Variants in SI observed in about 807,000 individuals in gnomAD.
SI encodes sucrase-isomaltase, also known as sucrase-isomaltase, intestinal.
In SI, 235 loss-of-function variants were observed where a neutral mutation model predicts 253.3. That is an observed-to-expected ratio of 0.93 (90% CI 0.83 to 1.03). The LOEUF is 1.03. SI is among the 50% of genes least tolerant of loss of function. The probability of loss-of-function intolerance (pLI) is 0.00; values close to 1 mark genes in which losing one functional copy is unlikely to be tolerated. For synonymous variants in SI, 819 were observed against 712.0 expected (o/e 1.15, Z -2.39); for missense variants, 2,442 against 2,211.1 (o/e 1.10, Z -2.09).
chr3:165,045,835 AAT>A (rs1233979261), intron 16 of SI, among the ~76,000 whole-genome samples: 2 of 142,758 alleles, frequency 1.4e-5, no homozygotes, highest in Non-Finnish European at 3.0e-5. Flanking sequence ...TGAATTTGAT[AAT>A]ATGTTTTTCA....
At chr3:165,034,738 G>A (rs772710991) in intron 22 of SI, among the ~76,000 whole-genome samples, 1 of 151,916 alleles carries the variant, frequency 6.6e-6, no homozygotes, top group Non-Finnish European at 1.5e-5. Context: ...ACATGTTAAA[G>A]CACAAATAAT....
chr3:165,078,889 T>A (rs1715173843), upstream of SI, among the ~76,000 whole-genome samples: 1 of 151,538 alleles, frequency 6.6e-6, no homozygotes, highest in Admixed American at 6.6e-5. Context: ...TTTCAGGATA[T>A]AACAATTAGA....
At chr3:165,014,979 G>A (rs1718956879) in intron 33 of SI, 144 bp downstream of exon 33, 3 of 642,986 alleles carry the variant, frequency 4.7e-6, no homozygotes, top group Non-Finnish European at 8.2e-6. Context: ...TTGAACCAAA[G>A]ACTATACATT....
intron 22 of SI, among the ~76,000 whole-genome samples, 166 bp downstream of exon 22, chr3:165,036,223 A>T (rs1712521218): frequency 6.6e-6 from 1 of 151,918 alleles, no homozygotes; most frequent in African/African-American, 2.4e-5. Flanking sequence ...AGCAAATAAC[A>T]ATGTTAAAAG....
At chr3:165,048,761 G>A (rs1239988055) in intron 15 of SI, among the ~76,000 whole-genome samples, 1 of 151,738 alleles carries the variant, frequency 6.6e-6, no homozygotes, top group Non-Finnish European at 1.5e-5. Flanking sequence ...GGGATTACAG[G>A]TGCCTGCCAC....
chr3:165,082,855 C>A (rs1715383056), upstream of SI, among the ~76,000 whole-genome samples: 1 of 151,958 alleles, frequency 6.6e-6, no homozygotes, highest in Admixed American at 6.6e-5. Flanking sequence ...AGAGCAGGGT[C>A]TCTTAGTAAC....
chr3:165,006,775 G>A, intron 37 of SI, 41 bp downstream of exon 37: 2 of 1,566,758 alleles, frequency 1.3e-6, no homozygotes, highest in Non-Finnish European at 1.8e-6. Flanking sequence ...AAGAACCAAA[G>A]AATAAAAGAG....
rs1039331271 is a variant in SI at position 165,019,956 on chromosome 3, A to G, written c.3255-186T>C. On this transcript the variant is annotated intron_variant, in intron 27 of 47. Transcript: ENST00000264382. ...TACATGTTTTCTTTTAGCTAAGTTA[A>G]GGAATATGTAAAATATGCTTCATAT... 2.0e-5 allele frequency among the ~76,000 whole-genome samples: 3 copies of G among 151,834 alleles called. No homozygotes were observed. The Admixed American group carries it at 2.0e-4, about 10-fold the overall frequency.
chr3:165,070,936 G>A (rs1714532264), intron 3 of SI, among the ~76,000 whole-genome samples: 1 of 151,992 alleles, frequency 6.6e-6, no homozygotes, highest in South Asian at 2.1e-4. Context: ...CTAGCTTCTA[G>A]TGGCTCCTGG....
intron 35 of SI, among the ~76,000 whole-genome samples, chr3:165,008,776 A>T (rs1402324626): frequency 6.6e-6 from 1 of 151,988 alleles, no homozygotes; most frequent in Admixed American, 6.6e-5. Context: ...AAATTGAAAT[A>T]TATTACATAA....
intron 13 of SI, among the ~76,000 whole-genome samples, chr3:165,052,528 C>A (rs941402921): frequency 2.5e-4 from 38 of 152,078 alleles, no homozygotes; most frequent in African/African-American, 9.2e-4. Context: ...TGGTGAAGTG[C>A]ACCTGTAATC....
intron 9 of SI, among the ~76,000 whole-genome samples, chr3:165,061,285 T>C (rs1299693670): frequency 6.6e-6 from 1 of 152,000 alleles, no homozygotes; most frequent in East Asian, 1.9e-4. Flanking sequence ...AACTTATGTT[T>C]GACAATTGGA....
At chr3:165,022,600 T>TAC (rs147881967) in intron 26 of SI, among the ~76,000 whole-genome samples, 4,367 of 128,018 alleles carry the variant, frequency 0.034, 87 homozygotes, top group South Asian at 0.1. Flanking sequence ...CCATCACACA[T>TAC]ACACACACAC....
chr3:165,007,517 C>T (rs1718569289), intron 36 of SI, among the ~76,000 whole-genome samples: 1 of 151,914 alleles, frequency 6.6e-6, no homozygotes, highest in African/African-American at 2.4e-5. Context: ...TAAAAACTTC[C>T]TTTCAAAATA....
intron 12 of SI, among the ~76,000 whole-genome samples, chr3:165,056,226 G>A (rs1184691312): frequency 2.6e-5 from 4 of 152,078 alleles, no homozygotes; most frequent in Non-Finnish European, 5.9e-5. Context: ...ATTAAGGGTA[G>A]GAAATTGTGT....
At chr3:165,012,908 T>G (rs983272704) in intron 34 of SI, 72 bp downstream of exon 34, 14 of 921,748 alleles carry the variant, frequency 1.5e-5, no homozygotes, top group Admixed American at 5.1e-5. Context: ...TCAAATTTAG[T>G]TATTGATTAA....
chr3:165,074,631 C>T lies in SI; in HGVS notation c.155G>A (p.Arg52His), dbSNP rs777987599. 3.7e-5 allele frequency: 59 copies of T among 1,610,180 alleles called. 1 individual carries two copies. In the South Asian group the frequency reaches 4.8e-4, roughly 13 times the overall value. ...SDSTSTPATT[R>H]VTTNPSDSGK... ...TGAATCAGAAGGATTTGTAGTCACA[C>T]GAGTAGTAGCTGGAGTTGAAGTAGA... is the stretch of plus-strand genomic sequence containing the variant. Residue 52 changes from arginine to histidine, a missense_variant, in exon 3 of 48, where the codon CGT becomes CAT. Physicochemically the swap from Arg to His is conservative, Grantham distance 29. Coordinates refer to ENST00000264382, the MANE Select transcript of SI (RefSeq NM_001041.4).
chr3:164,982,720 C>T (rs1399947825), intron 46 of SI, among the ~76,000 whole-genome samples: 1 of 152,088 alleles, frequency 6.6e-6, no homozygotes, highest in African/African-American at 2.4e-5. Flanking sequence ...TGCAATAGTG[C>T]AGTCATGGCT....
At chr3:165,068,921 A>G in intron 4 of SI, 90 bp from the exon 5 acceptor site, 1 of 1,016,304 alleles carries the variant, frequency 9.8e-7, no homozygotes, top group Non-Finnish European at 1.5e-6. Flanking sequence ...TTTACCACAA[A>G]TGAGTACTTT....
Sources: allele counts gnomAD v4.1 joint callset (sites outside exome capture counted in the v4.1 genomes callset), GRCh38; gene constraint gnomAD v4.1.1; transcripts MANE v1.5; gene names NCBI Gene and HGNC (gene_info 2026-07-23, HGNC 2026-07-21).